ANKRD30BL: variants seen among roughly 807,000 people sequenced by gnomAD.
The protein encoded by ANKRD30BL is ankyrin repeat domain 30B like, also known as putative ankyrin repeat domain-containing protein 30B-like.
In ANKRD30BL, 20 loss-of-function variants were observed where a neutral mutation model predicts 18.4. The observed-to-expected ratio is 1.09, with a 90% CI of 0.77 to 1.58. ANKRD30BL has a LOEUF of 1.58. Among genes scored for constraint, ANKRD30BL ranks in the 40% most tolerant of loss-of-function variants. The pLI, the probability that ANKRD30BL is intolerant of heterozygous loss-of-function variation, is 0.00. For missense variants in ANKRD30BL, 224 were observed against 268.6 expected (o/e 0.83, Z 1.16); for synonymous variants, 72 against 100.9 (o/e 0.71, Z 1.72).
At chr2:132,245,895 T>C (rs144375766) in intron 1 of ANKRD30BL, among the ~76,000 whole-genome samples, 4 of 151,820 alleles carry the variant, frequency 2.6e-5, no homozygotes, top group Non-Finnish European at 5.9e-5. Context: ...AACACTCTTT[T>C]TGGAGTATTT....
intron 1 of ANKRD30BL, among the ~76,000 whole-genome samples, chr2:132,160,595 C>T (rs187863334): frequency 6.6e-6 from 1 of 151,526 alleles, no homozygotes; most frequent in African/African-American, 2.4e-5. Context: ...CCCACCACCA[C>T]GCCCGGCTAA....
At chr2:132,209,805 G>A (rs1457050074) in intron 1 of ANKRD30BL, among the ~76,000 whole-genome samples, 1 of 151,408 alleles carries the variant, frequency 6.6e-6, no homozygotes, top group Non-Finnish European at 1.5e-5. Context: ...TGTAGTATTT[G>A]CAAGTGGATA....
At chr2:132,220,416 C>T (rs945928681) in intron 1 of ANKRD30BL, among the ~76,000 whole-genome samples, 5 of 151,210 alleles carry the variant, frequency 3.3e-5, no homozygotes, top group Non-Finnish European at 7.4e-5. Flanking sequence ...GATGCCGAGC[C>T]AAAGCTGGAC....
intron 1 of ANKRD30BL, among the ~76,000 whole-genome samples, chr2:132,228,661 C>T (rs1374292179): frequency 6.7e-6 from 1 of 149,702 alleles, no homozygotes; most frequent in African/African-American, 2.5e-5. Flanking sequence ...GCTTACATCT[C>T]ACAGAGCTGA....
chr2:132,233,696 G>A (rs1166237476), intron 1 of ANKRD30BL, among the ~76,000 whole-genome samples: 2 of 147,876 alleles, frequency 1.4e-5, no homozygotes, highest in Non-Finnish European at 3.0e-5. Context: ...CAAGTCCTGA[G>A]TGACCTACAA....
At position 132,230,066 on chromosome 2, in the gene ANKRD30BL, G is replaced by A. The variant is rs534120821; in HGVS notation, n.441+27463C>T. On this transcript the variant is annotated intron_variant and non_coding_transcript_variant, in intron 1 of 4. Coordinates refer to the ANKRD30BL transcript ENST00000470729. ...TTTTGATAGAGCACGTTTCAAACACGCTTTTTGTAGAATCTGCACGTGGAC... is the reference window on the plus strand; with the variant it reads ...TTTTGATAGAGCACGTTTCAAACACACTTTTTGTAGAATCTGCACGTGGAC... Among the ~76,000 whole-genome samples the A allele has an allele frequency of 2.3e-3, 341 of 151,298 alleles. 1 individual carries two copies. Among genetic ancestry groups the A allele is most frequent in the African/African-American group, 7.3e-3 (303 of 41,242 alleles).
rs1687862714 is a variant in ANKRD30BL, at chr2:132,154,972, T to C, written c.508-204A>G. 5.4e-5 allele frequency: 22 copies of C among 408,964 alleles called. No individual in the cohort carries two copies. In the East Asian group the frequency reaches 8.5e-4, roughly 16 times the overall value. 25.3% of individuals were successfully genotyped at this position (408,964 alleles called of 1,614,324 possible). On this transcript the variant is annotated intron_variant, in intron 3 of 5. Coordinates refer to ENST00000409867, the MANE Select transcript of ANKRD30BL (RefSeq NM_001358416.1). ...TCTGCATCACCACATTAACTCTAGT[T>C]ATCTCCAAAAATCATTATATTGTAA...
chr2:132,214,716 A>C (rs1441286243), intron 1 of ANKRD30BL, among the ~76,000 whole-genome samples: 12 of 151,636 alleles, frequency 7.9e-5, no homozygotes, highest in Non-Finnish European at 1.6e-4. Flanking sequence ...TTTCTTTGCG[A>C]TGTGTGCATT....
intron 1 of ANKRD30BL, among the ~76,000 whole-genome samples, chr2:132,170,279 C>CG (rs1206537239): frequency 4.6e-5 from 7 of 152,052 alleles, no homozygotes; most frequent in African/African-American, 1.7e-4. Flanking sequence ...GGCTCACCGA[C>CG]GCTTTGAAGG....
intron 1 of ANKRD30BL, among the ~76,000 whole-genome samples, chr2:132,203,924 A>T (rs1679158544): frequency 6.6e-6 from 1 of 151,990 alleles, no homozygotes; most frequent in Admixed American, 6.6e-5. Context: ...TACTTTCAAC[A>T]TTGAAGATTT....
At chr2:132,253,312 G>A (rs1435086192) in intron 1 of ANKRD30BL, 4 of 152,934 alleles carry the variant, frequency 2.6e-5, no homozygotes, top group Middle Eastern at 3.4e-3. Flanking sequence ...AGTCATACAA[G>A]GTTGATTTGG....
chr2:132,196,030 T>A (rs1678959990), intron 1 of ANKRD30BL, among the ~76,000 whole-genome samples: 1 of 150,788 alleles, frequency 6.6e-6, no homozygotes, highest in Admixed American at 6.6e-5. Flanking sequence ...TAGTCCCAGC[T>A]ATTCGGGAGG....
chr2:132,253,118 G>T, intron 1 of ANKRD30BL: 1 of 188,144 alleles, frequency 5.3e-6, no homozygotes. Flanking sequence ...ACCCCGAGGA[G>T]CCCAGAGGCA....
chr2:132,246,999 A>G (rs570669945), intron 1 of ANKRD30BL, among the ~76,000 whole-genome samples: 1 of 152,078 alleles, frequency 6.6e-6, no homozygotes, highest in Admixed American at 6.6e-5. Flanking sequence ...ATTAGACAGA[A>G]GCATTCTCAG....
In ANKRD30BL at chr2:132,227,746, C is replaced by A. The variant is rs1377744377; in HGVS notation, n.441+29783G>T. Among the ~76,000 whole-genome samples the A allele has an allele frequency of 3.9e-5, 6 of 152,086 alleles. No individual in the cohort carries two copies. In the East Asian group the frequency reaches 1.2e-3, roughly 29 times the overall value. On this transcript the variant is annotated intron_variant and non_coding_transcript_variant, in intron 1 of 4. Coordinates refer to the ANKRD30BL transcript ENST00000470729. ...CACATAAAAACTAGACAGAAGTATTCTCAGAATCTTCTTTGTGATGTGTGC... is the reference window on the plus strand; with the variant it reads ...CACATAAAAACTAGACAGAAGTATTATCAGAATCTTCTTTGTGATGTGTGC...
intron 4 of ANKRD30BL, chr2:132,152,442 T>C (rs1687785420): frequency 6.6e-6 from 1 of 152,228 alleles, no homozygotes; most frequent in Non-Finnish European, 1.5e-5. Context: ...TAGTGAAGTC[T>C]ATTGAATGGC....
upstream of ANKRD30BL, among the ~76,000 whole-genome samples, chr2:132,164,274 T>TC (rs1187341826): frequency 3.6e-3 from 234 of 65,616 alleles, no homozygotes; most frequent in Admixed American, 6.4e-3. Context: ...TTTTTCTTTT[T>TC]TTTTTTTTTT....
At chr2:132,216,949 T>C (rs539626625) in intron 1 of ANKRD30BL, among the ~76,000 whole-genome samples, 1 of 152,246 alleles carries the variant, frequency 6.6e-6, no homozygotes, top group South Asian at 2.1e-4. Flanking sequence ...AGAAGCATTC[T>C]CAGAAACTTC....
At chr2:132,202,925 G>T (rs1006632727) in intron 1 of ANKRD30BL, among the ~76,000 whole-genome samples, 7 of 152,160 alleles carry the variant, frequency 4.6e-5, no homozygotes, top group Non-Finnish European at 1.0e-4. Flanking sequence ...TTAAAATCTT[G>T]TTTGATTATG....
Sources: gnomAD v4.1 joint callset for allele counts (sites outside exome capture counted in the v4.1 genomes callset) on GRCh38, gnomAD v4.1.1 for gene constraint, MANE v1.5 for transcripts, NCBI Gene and HGNC (gene_info 2026-07-23, HGNC 2026-07-21) for gene names.